TOGARAM1: variants seen among roughly 807,000 people sequenced by gnomAD.
The protein encoded by TOGARAM1 is TOG array regulator of axonemal microtubules 1, also known as TOG array regulator of axonemal microtubules protein 1.
TOGARAM1 carries 100 observed loss-of-function variants against 166.6 expected under a neutral mutation model. That is an observed-to-expected ratio of 0.60 (90% CI 0.51 to 0.71). The LOEUF (loss-of-function observed/expected upper bound fraction) is 0.71. Among genes scored for constraint, TOGARAM1 ranks in the 30% least tolerant of loss-of-function variants. The pLI is 0.00. For missense variants in TOGARAM1, 2,029 were observed against 2,102.7 expected (o/e 0.96, Z 0.69); for synonymous variants, 758 against 763.8 (o/e 0.99, Z 0.13).
intron 1 of TOGARAM1, among the ~76,000 whole-genome samples, chr14:44,979,571 C>T (rs932120711): frequency 4.6e-5 from 7 of 152,196 alleles, no homozygotes; most frequent in Non-Finnish European, 1.5e-5. Flanking sequence ...CAGCAGCTAA[C>T]TCTTAAATAG....
At chr14:45,046,823 G>A in intron 14 of TOGARAM1, 120 bp downstream of exon 14, 1 of 785,942 alleles carries the variant, frequency 1.3e-6, no homozygotes, top group Middle Eastern at 2.6e-4. Context: ...CCCAGGGATT[G>A]GTGCTGGGGG....
At chr14:44,987,175 G>A (rs983280174) in intron 1 of TOGARAM1, among the ~76,000 whole-genome samples, 2 of 151,636 alleles carry the variant, frequency 1.3e-5, no homozygotes, top group African/African-American at 4.8e-5. Context: ...ATCTGACCTC[G>A]TGATCTGCCC....
At chr14:45,020,839 T>C (rs942896592) in intron 7 of TOGARAM1, among the ~76,000 whole-genome samples, 1 of 152,186 alleles carries the variant, frequency 6.6e-6, no homozygotes, top group Non-Finnish European at 1.5e-5. Flanking sequence ...CAAGAGGTCC[T>C]ACTAAAATGG....
chr14:44,991,381 C>T (rs1414090345), intron 1 of TOGARAM1, among the ~76,000 whole-genome samples: 2 of 152,152 alleles, frequency 1.3e-5, no homozygotes, highest in African/African-American at 4.8e-5. Context: ...CCATTTCCCT[C>T]ATTGGAATTT....
chr14:45,072,842 G>A (rs1398781634), intron 19 of TOGARAM1, among the ~76,000 whole-genome samples: 1 of 151,986 alleles, frequency 6.6e-6, no homozygotes, highest in East Asian at 1.9e-4. Context: ...AATACAAAGG[G>A]CCATAAAAGG....
chr14:45,009,087 T>C lies in TOGARAM1; in HGVS notation c.3079T>C (p.Tyr1027His), dbSNP rs766898921. ...NINSYSESGV[Y>H]SQESLTSSLS... The stretch of plus-strand genomic sequence containing the variant: ...CAATTCTTACAGTGAAAGTGGAGTT[T>C]ACAGCCAAGAATCATTGACTTCTTC... The change falls in exon 6 of 20, where the codon TAC becomes CAC. Residue 1027 changes from tyrosine (Y) to histidine (H), a missense_variant. This residue lies in a region of TOGARAM1 where 1,453 missense variants were observed against 1,432.2 expected (regional missense o/e 1.01). Transcript: ENST00000361462. 1.9e-6 allele frequency: 3 copies of C among 1,614,118 alleles called. No homozygotes were observed. Among genetic ancestry groups the C allele is most frequent in the South Asian group, 1.1e-5 (1 of 91,082 alleles).
intron 6 of TOGARAM1, among the ~76,000 whole-genome samples, chr14:45,011,601 C>T (rs1437243889): frequency 6.6e-6 from 1 of 152,094 alleles, no homozygotes; most frequent in East Asian, 1.9e-4. Context: ...AGGCATGAGT[C>T]ACCACACTTG....
chr14:44,995,430 C>T (rs1026672104), intron 1 of TOGARAM1: 9 of 461,338 alleles, frequency 2.0e-5, no homozygotes, highest in African/African-American at 9.9e-5. Flanking sequence ...TGAGGGGTTA[C>T]GCTGCTCCGT....
intron 1 of TOGARAM1, among the ~76,000 whole-genome samples, chr14:44,967,952 C>G (rs986625174): frequency 1.3e-5 from 2 of 152,052 alleles, no homozygotes; most frequent in Admixed American, 6.5e-5. Context: ...ACTCTTAAGA[C>G]TGCTTGTCAT....
chr14:44,978,858 G>T (rs1886364713), intron 1 of TOGARAM1, among the ~76,000 whole-genome samples: 3 of 151,898 alleles, frequency 2.0e-5, no homozygotes, highest in African/African-American at 7.2e-5. Context: ...AGGCATGGTG[G>T]CATATACCTA....
intron 14 of TOGARAM1, among the ~76,000 whole-genome samples, chr14:45,051,845 C>G (rs1299794993): frequency 1.3e-5 from 2 of 152,250 alleles, no homozygotes; most frequent in East Asian, 3.9e-4. Context: ...CAGGCGTGAG[C>G]CACTGTACCT....
chr14:45,068,972 TAATA>T (rs1260242083), intron 18 of TOGARAM1, among the ~76,000 whole-genome samples: 4 of 151,874 alleles, frequency 2.6e-5, no homozygotes, highest in African/African-American at 9.7e-5. Flanking sequence ...AAGAAAATAA[TAATA>T]AATAAACTAA....
intron 1 of TOGARAM1, among the ~76,000 whole-genome samples, chr14:44,983,601 A>C (rs1886642967): frequency 6.6e-6 from 1 of 152,192 alleles, no homozygotes; most frequent in Non-Finnish European, 1.5e-5. Context: ...AAAATGAAAA[A>C]TAGAACATTA....
chr14:44,963,997 G>T lies in TOGARAM1; in HGVS notation c.1576G>T (p.Val526Leu). The T allele has an allele frequency of 6.2e-7, 1 of 1,614,092 alleles. No individual in the cohort carries two copies. The highest frequency in any genetic ancestry group is 2.2e-5 in the East Asian group (1 of 44,890). ...AGCTCTTGTAGATAGCAAACGCAGG[G>T]TACGCCAAGCAGCTTTAGAAGCTTT... is the stretch of plus-strand genomic sequence containing the variant. ...APALVDSKRR[V>L]RQAALEAFAV... Residue 526 changes from valine (V) to leucine (L), a missense_variant, in exon 1 of 20, where the codon GTA becomes TTA. Physicochemically the swap from Val to Leu is conservative, Grantham distance 32. This residue lies in a region of TOGARAM1 where 1,453 missense variants were observed against 1,432.2 expected (regional missense o/e 1.01). Coordinates refer to ENST00000361462, the MANE Select transcript of TOGARAM1 (RefSeq NM_001308120.2).
intron 1 of TOGARAM1, among the ~76,000 whole-genome samples, chr14:44,977,020 T>C (rs1333203746): frequency 2.6e-5 from 4 of 152,152 alleles, no homozygotes; most frequent in Non-Finnish European, 5.9e-5. Context: ...AGTATACAAT[T>C]ATGTTAAATT....
chr14:45,050,748 GGGATTACA>G (rs2138969552), intron 14 of TOGARAM1, among the ~76,000 whole-genome samples: 1 of 152,136 alleles, frequency 6.6e-6, no homozygotes, highest in East Asian at 1.9e-4. Context: ...CTGAGTTGCT[GGGATTACA>G]GGCATGTGCC....
intron 10 of TOGARAM1, among the ~76,000 whole-genome samples, chr14:45,029,157 C>A (rs983551655): frequency 1.3e-5 from 2 of 152,088 alleles, no homozygotes; most frequent in African/African-American, 4.8e-5. Flanking sequence ...TTAGCCTGTA[C>A]AATTGTGGCT....
In TOGARAM1 at chr14:45,029,860, C is replaced by T. The variant is rs190705436; in HGVS notation, c.3658+1531C>T. The stretch of plus-strand genomic sequence containing the variant: ...TTTTTGAGATGGAGTTTTGCTCTGT[C>T]GCCCAGGCTGGAGTGCAGCGGCACG... On this transcript the variant is annotated intron_variant, in intron 10 of 19. Coordinates refer to ENST00000361462, the MANE Select transcript of TOGARAM1 (RefSeq NM_001308120.2). Among the ~76,000 whole-genome samples, 291 of 152,102 alleles carry T rather than the reference C, an allele frequency of 1.9e-3. 2 individuals carry two copies. Among genetic ancestry groups the T allele is most frequent in the African/African-American group, 6.5e-3 (269 of 41,514 alleles).
chr14:45,073,525 G>C lies in TOGARAM1; in HGVS notation c.5286G>C (p.Glu1762Asp). Residue 1762 changes from glutamate (E) to aspartate (D), a missense_variant, in exon 20 of 20, where the codon GAG becomes GAC. Physicochemically the swap from Glu to Asp is conservative, Grantham distance 45. Around this residue, in one of 2 missense-constraint regions of TOGARAM1, gnomAD observed 576 missense variants for 670.5 expected, o/e 0.86. Transcript: ENST00000361462. ...SQPPHIKKSL[E>D]ELLDMTILNE... ...CACCACATATCAAAAAGAGTTTGGAGGAATTACTCGATATGACAATTTTAA... is the reference window on the plus strand; with the variant it reads ...CACCACATATCAAAAAGAGTTTGGACGAATTACTCGATATGACAATTTTAA... 6.2e-7 allele frequency: 1 copy of C among 1,613,632 alleles called. No individual in the cohort carries two copies. Among genetic ancestry groups the C allele is most frequent in the Non-Finnish European group, 8.5e-7 (1 of 1,179,830 alleles).
Sources: allele counts gnomAD v4.1 joint callset (sites outside exome capture counted in the v4.1 genomes callset), GRCh38; gene constraint gnomAD v4.1.1; regional missense constraint gnomAD v4.1.1; transcripts MANE v1.5; gene names NCBI Gene and HGNC (gene_info 2026-07-23, HGNC 2026-07-21).